The following PXDNL variants were observed in gnomAD, a reference collection of about 807,000 sequenced individuals.
PXDNL encodes probable oxidoreductase PXDNL.
In PXDNL, 145 loss-of-function variants were observed where a neutral mutation model predicts 150.8. The observed-to-expected ratio is 0.96, with a 90% CI of 0.84 to 1.10. PXDNL has a LOEUF of 1.10. PXDNL is among the 50% of genes least tolerant of loss of function. PXDNL has a pLI of 0.00. For synonymous variants in PXDNL, 757 were observed against 725.7 expected, an observed-to-expected ratio of 1.04 and a Z score of -0.69; for missense variants, 2,087 against 1,873.9, an observed-to-expected ratio of 1.11 and a Z score of -2.10.
At chr8:51,802,402 T>C (rs1412190201) in intron 1 of PXDNL, among the ~76,000 whole-genome samples, 1 of 152,170 alleles carries the variant, frequency 6.6e-6, no homozygotes, top group Non-Finnish European at 1.5e-5. Flanking sequence ...AGGTCACATG[T>C]GGTCCAGGAT....
intron 17 of PXDNL, among the ~76,000 whole-genome samples, chr8:51,398,700 C>T (rs1808161768): frequency 6.6e-6 from 1 of 152,088 alleles, no homozygotes. Context: ...TAAAGCAAAA[C>T]CTATGCAAAT....
chr8:51,785,716 T>C (rs373701017), intron 1 of PXDNL, among the ~76,000 whole-genome samples: 1 of 152,120 alleles, frequency 6.6e-6, no homozygotes, highest in African/African-American at 2.4e-5. Flanking sequence ...CAACCAGCTG[T>C]TCCCCCCATC....
chr8:51,570,301 C>T (rs563185802), intron 3 of PXDNL, among the ~76,000 whole-genome samples: 2 of 151,894 alleles, frequency 1.3e-5, no homozygotes, highest in Admixed American at 1.3e-4. Context: ...CTGGGAGAGG[C>T]CCACCCATCC....
At chr8:51,534,451 C>A (rs1812008519) in intron 4 of PXDNL, among the ~76,000 whole-genome samples, 1 of 110,756 alleles carries the variant, frequency 9.0e-6, no homozygotes, top group African/African-American at 4.5e-5. Flanking sequence ...GCCCCTCTGC[C>A]CGGCCAGCCG....
chr8:51,517,747 G>A (rs964654353), intron 4 of PXDNL, among the ~76,000 whole-genome samples: 2 of 152,194 alleles, frequency 1.3e-5, no homozygotes, highest in Admixed American at 1.3e-4. Flanking sequence ...CAGAGGGAGA[G>A]CCGAGATTAA....
chr8:51,474,507 C>T (rs547431783), intron 7 of PXDNL, among the ~76,000 whole-genome samples: 6 of 152,196 alleles, frequency 3.9e-5, no homozygotes, highest in South Asian at 2.1e-4. Flanking sequence ...TTATTTTAGT[C>T]GTATTCATGG....
Position 51,681,713 on chromosome 8 carries a change from T to A in PXDNL, c.165-26953A>T, listed in dbSNP as rs186378049. ...AAGAACACTAGCATTTTCAAAATAA[T>A]CCAACTTGTAAATTGAAGCCATAGC... is the stretch of plus-strand genomic sequence containing the variant. On this transcript the variant is annotated intron_variant, in intron 1 of 22. Transcript: ENST00000356297. Among the ~76,000 whole-genome samples, 142 of 152,354 alleles carry A rather than the reference T, an allele frequency of 9.3e-4. 1 individual carries two copies. Among genetic ancestry groups the A allele is most frequent in the African/African-American group, 3.2e-3 (132 of 41,588 alleles).
At chr8:51,742,853 C>T (rs1322165766) in intron 1 of PXDNL, among the ~76,000 whole-genome samples, 2 of 152,064 alleles carry the variant, frequency 1.3e-5, no homozygotes, top group African/African-American at 4.8e-5. Context: ...AAGCCCGAAG[C>T]ACTTGGCAGA....
rs186344163 is a variant in PXDNL, at chr8:51,758,227, G to A, written c.164+50954C>T. On this transcript the variant is annotated intron_variant, in intron 1 of 22. Transcript: ENST00000356297. ...CACCAGTGGAGTCACCACCTCACACGTATTATAGCTAAACATACATATATA... is the reference window on the plus strand; with the variant it reads ...CACCAGTGGAGTCACCACCTCACACATATTATAGCTAAACATACATATATA... 8.1e-4 allele frequency among the ~76,000 whole-genome samples: 123 copies of A among 152,188 alleles called. 1 individual carries two copies. Among genetic ancestry groups the A allele is most frequent in the Non-Finnish European group, 1.2e-3 (82 of 68,004 alleles).
chr8:51,649,938 C>T (rs578210842), intron 2 of PXDNL, among the ~76,000 whole-genome samples: 1 of 151,786 alleles, frequency 6.6e-6, no homozygotes, highest in South Asian at 2.1e-4. Flanking sequence ...CTCATCTCTA[C>T]TAAAAATACA....
chr8:51,335,681 C>CACACACACACA, intron 21 of PXDNL, among the ~76,000 whole-genome samples: 2 of 92,420 alleles, frequency 2.2e-5, no homozygotes, highest in African/African-American at 1.6e-4. Flanking sequence ...ATTATATACC[C>CACACACACACA]TACACACACA....
chr8:51,648,001 G>A (rs953076879), intron 2 of PXDNL, among the ~76,000 whole-genome samples: 5 of 151,970 alleles, frequency 3.3e-5, no homozygotes, highest in African/African-American at 7.2e-5. Context: ...TTCATATAAC[G>A]TTTGCTTTTA....
chr8:51,476,883 A>C (rs1810490773), intron 6 of PXDNL, among the ~76,000 whole-genome samples: 1 of 152,252 alleles, frequency 6.6e-6, no homozygotes, highest in South Asian at 2.1e-4. Context: ...AATGCCATAA[A>C]TTTAATAACT....
intron 1 of PXDNL, among the ~76,000 whole-genome samples, chr8:51,750,897 G>A (rs997989776): frequency 6.6e-6 from 1 of 152,152 alleles, no homozygotes; most frequent in Non-Finnish European, 1.5e-5. Context: ...AAGGGGGGAT[G>A]GTTGTAAACA....
intron 7 of PXDNL, among the ~76,000 whole-genome samples, chr8:51,473,771 T>C (rs958997776): frequency 4.8e-5 from 7 of 145,044 alleles, no homozygotes; most frequent in Non-Finnish European, 7.5e-5. Flanking sequence ...AAACAGTAAG[T>C]GACTGGAGGA....
At chr8:51,749,920 C>T (rs1264105782) in intron 1 of PXDNL, among the ~76,000 whole-genome samples, 1 of 151,992 alleles carries the variant, frequency 6.6e-6, no homozygotes, top group Non-Finnish European at 1.5e-5. Flanking sequence ...AGGATGGTCT[C>T]GATCTTCTGA....
Position 51,809,440 on chromosome 8 carries a change from T to G in PXDNL, c.-96A>C. On this transcript the variant is annotated 5_prime_UTR_variant, in exon 1 of 23. Coordinates refer to ENST00000356297, the MANE Select transcript of PXDNL (RefSeq NM_144651.5). Reference sequence around the variant, plus strand: ...CCGCAGTGGTGGTGATGGTGGCTGCTGGACTGAGCCAAGTTTGGGAGCCGT... The same window carrying G: ...CCGCAGTGGTGGTGATGGTGGCTGCGGGACTGAGCCAAGTTTGGGAGCCGT... 1 of 1,270,362 alleles carries G rather than the reference T, an allele frequency of 7.9e-7. No individual in the cohort carries two copies. Among genetic ancestry groups the G allele is most frequent in the Non-Finnish European group, 1.1e-6 (1 of 950,802 alleles). 78.7% of individuals were successfully genotyped at this position (1,270,362 alleles called of 1,614,324 possible). A position where few individuals can be genotyped will look rare whatever the true frequency, so the allele number is the denominator to read the frequency against.
chr8:51,549,417 A>G (rs924161102), intron 4 of PXDNL, among the ~76,000 whole-genome samples: 4 of 152,162 alleles, frequency 2.6e-5, no homozygotes, highest in Admixed American at 6.5e-5. Context: ...TCCAAGATAG[A>G]ACATTATGAC....
intron 8 of PXDNL, among the ~76,000 whole-genome samples, chr8:51,471,365 G>C (rs1810328969): frequency 6.6e-6 from 1 of 152,120 alleles, no homozygotes; most frequent in Non-Finnish European, 1.5e-5. Context: ...TATGCTCACA[G>C]GTTTTTGGAC....
Sources: allele counts gnomAD v4.1 joint callset (sites outside exome capture counted in the v4.1 genomes callset), GRCh38; gene constraint gnomAD v4.1.1; transcripts MANE v1.5; gene names NCBI Gene and HGNC (gene_info 2026-07-23, HGNC 2026-07-21).